The following VPS35L variants were observed in gnomAD, a reference collection of about 807,000 sequenced individuals.
VPS35L encodes VPS35 endosomal protein-sorting factor-like.
In VPS35L, 83 loss-of-function variants were observed where a neutral mutation model predicts 133.0. The ratio of observed to expected loss-of-function variants is 0.62; its 90% CI spans 0.52 to 0.75. The LOEUF is 0.75. Among genes scored for constraint, VPS35L ranks in the 30% least tolerant of loss-of-function variants. The pLI is 0.00. For missense variants in VPS35L, 1,083 were observed against 1,206.8 expected (o/e 0.90, Z 1.52); for synonymous variants, 423 against 449.9 (o/e 0.94, Z 0.76).
intron 29 of VPS35L, among the ~76,000 whole-genome samples, chr16:19,695,732 G>A (rs557306483): frequency 1.5e-4 from 23 of 152,094 alleles, no homozygotes; most frequent in Admixed American, 7.9e-4. Flanking sequence ...TGGGAGGATC[G>A]CTTGAGCCCA....
At chr16:19,675,151 A>C (rs1449238770) in intron 27 of VPS35L, among the ~76,000 whole-genome samples, 1 of 149,980 alleles carries the variant, frequency 6.7e-6, no homozygotes, top group East Asian at 2.0e-4. Context: ...AGGTCTCACT[A>C]TTTTTCCCAG....
intron 28 of VPS35L, among the ~76,000 whole-genome samples, chr16:19,690,346 G>GGGAGGAGGAAC (rs1975624738): frequency 6.6e-6 from 1 of 152,226 alleles, no homozygotes; most frequent in Admixed American, 6.5e-5. Flanking sequence ...GGAGGAGGAA[G>GGGAGGAGGAAC]GGAGGAGGAA....
chr16:19,586,408 C>T (rs972763099), intron 7 of VPS35L, among the ~76,000 whole-genome samples: 2 of 152,112 alleles, frequency 1.3e-5, no homozygotes, highest in Non-Finnish European at 2.9e-5. Context: ...GGCATGATCT[C>T]AGCTCACTGC....
intron 8 of VPS35L, among the ~76,000 whole-genome samples, chr16:19,594,513 AG>A (rs1365106435): frequency 6.6e-6 from 1 of 151,882 alleles, no homozygotes; most frequent in African/African-American, 2.4e-5. Flanking sequence ...GCTTGGTGGC[AG>A]GCACCTGTAA....
chr16:19,614,326 G>A (rs1972818645), intron 12 of VPS35L, among the ~76,000 whole-genome samples: 1 of 152,108 alleles, frequency 6.6e-6, no homozygotes, highest in Non-Finnish European at 1.5e-5. Context: ...TTAACACCCT[G>A]GTGGTTCTCA....
At chr16:19,678,729 C>T (rs1036939523) in intron 27 of VPS35L, among the ~76,000 whole-genome samples, 5 of 151,908 alleles carry the variant, frequency 3.3e-5, no homozygotes, top group South Asian at 4.2e-4. Flanking sequence ...CCACCTGCCT[C>T]GGCCTCCCAA....
intron 3 of VPS35L, among the ~76,000 whole-genome samples, chr16:19,570,834 C>CATATATATATATATATATAT (rs58794831): frequency 6.3e-5 from 5 of 78,806 alleles, no homozygotes; most frequent in Non-Finnish European, 1.4e-4. Context: ...TGCTGTGTTT[C>CATATATATATATATATATAT]ATATATATAT....
chr16:19,584,102 C>T (rs1424215871), intron 7 of VPS35L, among the ~76,000 whole-genome samples: 1 of 152,058 alleles, frequency 6.6e-6, no homozygotes, highest in Non-Finnish European at 1.5e-5. Context: ...TCCATTCATC[C>T]ATTTATATAC....
intron 8 of VPS35L, among the ~76,000 whole-genome samples, chr16:19,601,035 C>T (rs1242117216): frequency 6.6e-6 from 1 of 152,098 alleles, no homozygotes; most frequent in East Asian, 1.9e-4. Flanking sequence ...CTCAAGCAAT[C>T]CTCCCACCTC....
chr16:19,576,568 G>T (rs1971546012), intron 5 of VPS35L, among the ~76,000 whole-genome samples: 1 of 152,114 alleles, frequency 6.6e-6, no homozygotes, highest in Non-Finnish European at 1.5e-5. Context: ...ATGCTCCAAG[G>T]GGATTCTGGA....
intron 24 of VPS35L, among the ~76,000 whole-genome samples, chr16:19,649,663 G>GCAC (rs1357581248): frequency 1.3e-5 from 2 of 152,234 alleles, no homozygotes; most frequent in Non-Finnish European, 2.9e-5. Context: ...GTGCCATGGT[G>GCAC]CACCGTTTGG....
At chr16:19,667,921 G>T (rs1033255170) in intron 26 of VPS35L, among the ~76,000 whole-genome samples, 1 of 152,008 alleles carries the variant, frequency 6.6e-6, no homozygotes, top group African/African-American at 2.4e-5. Flanking sequence ...TGAGTTTGGG[G>T]TTCAGGAGAC....
intron 28 of VPS35L, among the ~76,000 whole-genome samples, chr16:19,691,033 C>T (rs1399804457): frequency 6.6e-6 from 1 of 152,148 alleles, no homozygotes. Context: ...TGCAATAAGG[C>T]AGTGAAAGCC....
intron 18 of VPS35L, among the ~76,000 whole-genome samples, chr16:19,631,661 C>T (rs1010677548): frequency 6.6e-6 from 1 of 152,154 alleles, no homozygotes; most frequent in Admixed American, 6.5e-5. Context: ...GACATTGTAT[C>T]GTTTCATCTG....
At chr16:19,565,006 C>A in intron 2 of VPS35L, 56 bp downstream of exon 2, 4 of 1,324,020 alleles carry the variant, frequency 3.0e-6, no homozygotes, top group African/African-American at 1.5e-5. Context: ...AAATGAAAGA[C>A]AATCTTCCTG....
intron 1 of VPS35L, among the ~76,000 whole-genome samples, chr16:19,557,085 T>C (rs1229095065): frequency 6.6e-6 from 1 of 151,956 alleles, no homozygotes; most frequent in Admixed American, 6.6e-5. Context: ...TGAACCGAGA[T>C]CATGCCACTG....
At chr16:19,673,901 C>T (rs1183998760) in intron 27 of VPS35L, among the ~76,000 whole-genome samples, 1 of 152,162 alleles carries the variant, frequency 6.6e-6, no homozygotes, top group East Asian at 1.9e-4. Context: ...CTACGCTATT[C>T]CAGAGCCTGT....
intron 24 of VPS35L, among the ~76,000 whole-genome samples, chr16:19,649,029 C>A (rs749268785): frequency 1.3e-5 from 2 of 151,860 alleles, no homozygotes; most frequent in Non-Finnish European, 2.9e-5. Flanking sequence ...TGCTTTGTTG[C>A]CCAGGCTAGA....
Position 19,647,855 on chromosome 16 carries a change from G to A in VPS35L, c.2001G>A (p.Leu667=). 6.2e-7 allele frequency: 1 copy of A among 1,613,956 alleles called. No homozygotes were observed. Among genetic ancestry groups the A allele is most frequent in the Non-Finnish European group, 8.5e-7 (1 of 1,179,902 alleles). The change falls in exon 24 of 31, where the codon CTG becomes CTA. Residue 667 remains leucine, a synonymous_variant. Coordinates refer to ENST00000417362, the MANE Select transcript of VPS35L (RefSeq NM_020314.7). ...AGTCCAGGTCGATGTTTTGCAATCTGGAGCCTGTTCTTGTGCAGTTGATTC... is the reference window on the plus strand; with the variant it reads ...AGTCCAGGTCGATGTTTTGCAATCTAGAGCCTGTTCTTGTGCAGTTGATTC... ...YVESRSMFCN[L]EPVLVQLIHS...
Sources: allele counts gnomAD v4.1 joint callset (sites outside exome capture counted in the v4.1 genomes callset), GRCh38; gene constraint gnomAD v4.1.1; transcripts MANE v1.5; gene names NCBI Gene and HGNC (gene_info 2026-07-23, HGNC 2026-07-21).